Variants in LINGO2 observed in about 807,000 individuals in gnomAD.
LINGO2 encodes leucine-rich repeat and immunoglobulin-like domain-containing nogo receptor-interacting protein 2.
Under a neutral mutation model 30.6 loss-of-function variants are expected in LINGO2, and 14 were observed. The observed-to-expected ratio is 0.46, with a 90% CI of 0.30 to 0.72. The LOEUF is 0.72. Among genes scored for constraint, LINGO2 ranks in the 30% least tolerant of loss-of-function variants. The pLI is 0.07. For synonymous variants in LINGO2, 317 were observed against 288.5 expected (o/e 1.10, Z -1.00); for missense variants, 729 against 751.7 (o/e 0.97, Z 0.35).
chr9:29,086,544 G>A, the LINGO2 span, among the ~76,000 whole-genome samples: 30,506 of 151,934 alleles, frequency 0.2, 3,187 homozygotes, highest in South Asian at 0.25. Flanking sequence ...AATTGGGCAA[G>A]TTCCTTATGA....
intron 4 of LINGO2, among the ~76,000 whole-genome samples, chr9:28,100,514 C>A (rs1450194251): frequency 6.6e-6 from 1 of 152,096 alleles, no homozygotes; most frequent in African/African-American, 2.4e-5. Flanking sequence ...AAAACTTGCC[C>A]TATTGTAAAG....
At chr9:28,005,434 T>C (rs10968271) in intron 5 of LINGO2, among the ~76,000 whole-genome samples, 10,486 of 152,246 alleles carry the variant, frequency 0.069, 716 homozygotes, top group East Asian at 0.35. Context: ...CTCATTTTAT[T>C]CTTTCCCTTT....
chr9:28,430,607 C>G (rs926268978), intron 2 of LINGO2, among the ~76,000 whole-genome samples: 3 of 151,884 alleles, frequency 2.0e-5, no homozygotes, highest in African/African-American at 7.3e-5. Context: ...TTTGTTTTAC[C>G]TATATTTTTC....
At chr9:28,989,714 C>T in the LINGO2 span, among the ~76,000 whole-genome samples, 7 of 152,282 alleles carry the variant, frequency 4.6e-5, no homozygotes, top group South Asian at 8.3e-4. Context: ...TACCAAAATA[C>T]ACTGCCTCTT....
chr9:27,950,138 G>T (rs149871581), exon 6 of LINGO2: 54 of 1,613,960 alleles, frequency 3.3e-5, no homozygotes, highest in Non-Finnish European at 4.6e-5. Flanking sequence ...GCTGCTCCAA[G>T]CTAAGAAGCC....
intron 2 of LINGO2, among the ~76,000 whole-genome samples, chr9:28,413,950 A>G (rs1042941171): frequency 1.3e-5 from 2 of 151,876 alleles, no homozygotes; most frequent in African/African-American, 4.8e-5. Context: ...GTATTAATTT[A>G]TAATTATTAT....
At chr9:27,999,586 G>C (rs1821845797) in intron 5 of LINGO2, among the ~76,000 whole-genome samples, 1 of 152,124 alleles carries the variant, frequency 6.6e-6, no homozygotes, top group Non-Finnish European at 1.5e-5. Flanking sequence ...TTTATAGTGG[G>C]TCACTTCTTT....
chr9:28,235,011 T>C (rs1587288466), intron 4 of LINGO2, among the ~76,000 whole-genome samples: 1 of 152,286 alleles, frequency 6.6e-6, no homozygotes, highest in South Asian at 2.1e-4. Flanking sequence ...ACAGCATCTC[T>C]GGACATGCCT....
chr9:28,418,576 C>T (rs370937253), intron 2 of LINGO2, among the ~76,000 whole-genome samples: 32 of 152,112 alleles, frequency 2.1e-4, no homozygotes, highest in Admixed American at 3.9e-4. Context: ...CGTGCCCAGA[C>T]GGCAATTTAC....
At chr9:29,198,480 C>T in the LINGO2 span, among the ~76,000 whole-genome samples, 1 of 152,092 alleles carries the variant, frequency 6.6e-6, no homozygotes, top group Non-Finnish European at 1.5e-5. Flanking sequence ...AGGGAGACTG[C>T]TTCAGAAGCT....
the LINGO2 span, among the ~76,000 whole-genome samples, chr9:29,104,739 A>G: frequency 6.6e-5 from 10 of 152,172 alleles, no homozygotes; most frequent in African/African-American, 2.4e-4. Flanking sequence ...ATAATATTGT[A>G]GATTAGTACT....
At chr9:28,094,717 A>G (rs1310179366) in intron 4 of LINGO2, among the ~76,000 whole-genome samples, 2 of 152,220 alleles carry the variant, frequency 1.3e-5, no homozygotes, top group East Asian at 1.9e-4. Flanking sequence ...CAAGTGTTCA[A>G]TTTTCATGTC....
intron 1 of LINGO2, among the ~76,000 whole-genome samples, chr9:28,515,925 T>A (rs1820602525): frequency 6.6e-6 from 1 of 152,172 alleles, no homozygotes; most frequent in African/African-American, 2.4e-5. Flanking sequence ...TTGTCTTATT[T>A]TAAAGAAATT....
intron 4 of LINGO2, among the ~76,000 whole-genome samples, chr9:28,013,484 T>C (rs1822662541): frequency 6.6e-6 from 1 of 152,216 alleles, no homozygotes; most frequent in Admixed American, 6.5e-5. Flanking sequence ...AATCAATCAA[T>C]CAAAATTATC....
intron 2 of LINGO2, among the ~76,000 whole-genome samples, chr9:28,410,636 G>A (rs939843640): frequency 3.9e-5 from 6 of 152,064 alleles, no homozygotes; most frequent in African/African-American, 1.4e-4. Flanking sequence ...CCAAGATAAA[G>A]GCTGACAAAG....
At chr9:28,698,823 C>T in the LINGO2 span, among the ~76,000 whole-genome samples, 2 of 151,990 alleles carry the variant, frequency 1.3e-5, no homozygotes, top group African/African-American at 2.4e-5. Flanking sequence ...TGGAGGATTG[C>T]TTGAGGCCCA....
chr9:28,365,224 A>T (rs2134531608), intron 3 of LINGO2, among the ~76,000 whole-genome samples: 1 of 152,180 alleles, frequency 6.6e-6, no homozygotes, highest in South Asian at 2.1e-4. Flanking sequence ...GGCATTCTCA[A>T]TAGAGGGAAC....
chr9:28,127,091 T>A (rs1018320963), intron 4 of LINGO2, among the ~76,000 whole-genome samples: 1 of 152,222 alleles, frequency 6.6e-6, no homozygotes, highest in Non-Finnish European at 1.5e-5. Flanking sequence ...GAAATTTCGC[T>A]GGAACTCAGT....
intron 4 of LINGO2, among the ~76,000 whole-genome samples, chr9:28,230,908 T>C (rs990803025): frequency 2.0e-5 from 3 of 151,962 alleles, no homozygotes; most frequent in African/African-American, 7.2e-5. Context: ...TTGTTTATAA[T>C]GGTATGTAGA....
Sources: allele counts gnomAD v4.1 joint callset (sites outside exome capture counted in the v4.1 genomes callset), GRCh38; gene constraint gnomAD v4.1.1; transcripts MANE v1.5; gene names NCBI Gene and HGNC (gene_info 2026-07-23, HGNC 2026-07-21).